KCNN2: variants seen among roughly 807,000 people sequenced by gnomAD.
KCNN2 encodes the protein small conductance calcium-activated potassium channel protein 2.
A neutral mutation model predicts 55.5 loss-of-function variants in KCNN2; 24 were observed. The ratio of observed to expected loss-of-function variants is 0.43; its 90% CI spans 0.31 to 0.61. KCNN2 has a LOEUF of 0.61. Among genes scored for constraint, KCNN2 ranks in the 20% least tolerant of loss-of-function variants. KCNN2 has a pLI of 0.08. For synonymous variants in KCNN2, 431 were observed against 336.1 expected (o/e 1.28, Z -3.09); for missense variants, 754 against 853.6 (o/e 0.88, Z 1.45).
chr5:114,462,894 G>T (rs1761272297), intron 3 of KCNN2, among the ~76,000 whole-genome samples, 155 bp from the exon 4 acceptor site: 1 of 152,162 alleles, frequency 6.6e-6, no homozygotes, highest in Admixed American at 6.5e-5. Context: ...TGCTTAGATG[G>T]AACCTCAATT....
chr5:114,432,774 G>A lies in KCNN2; in HGVS notation c.1637+27918G>A, dbSNP rs563852557. Among the ~76,000 whole-genome samples the A allele has an allele frequency of 9.2e-5, 14 of 152,304 alleles. No individual in the cohort carries two copies. In the South Asian group the frequency reaches 1.9e-3, roughly 20 times the overall value. On this transcript the variant is annotated intron_variant, in intron 3 of 7. Coordinates refer to ENST00000673685, the MANE Select transcript of KCNN2 (RefSeq NM_021614.4). Reference sequence around the variant, plus strand: ...GTGGGCTTGGCAGGCCGCGCACGCCGAGCAGCCGGCCAGCCCTGCCGGCCC... The same window carrying A: ...GTGGGCTTGGCAGGCCGCGCACGCCAAGCAGCCGGCCAGCCCTGCCGGCCC...
intron 2 of KCNN2, among the ~76,000 whole-genome samples, chr5:114,249,506 C>A (rs906869645): frequency 6.6e-6 from 1 of 151,790 alleles, no homozygotes; most frequent in African/African-American, 2.4e-5. Flanking sequence ...AGGCTGATCT[C>A]GAATTCCTGA....
intron 3 of KCNN2, among the ~76,000 whole-genome samples, chr5:114,449,029 A>G: frequency 6.6e-6 from 1 of 152,142 alleles, no homozygotes; most frequent in East Asian, 1.9e-4. Context: ...TTGAAGTGCT[A>G]GTGTTGGTAG....
intron 1 of KCNN2, among the ~76,000 whole-genome samples, chr5:114,178,902 A>T (rs769940631): frequency 1.1e-4 from 17 of 152,308 alleles, no homozygotes; most frequent in Admixed American, 6.5e-4. Context: ...CTTTCCTGTG[A>T]CCTTCAGTCT....
chr5:114,254,946 ATTAAT>A (rs1309950260), intron 2 of KCNN2, among the ~76,000 whole-genome samples: 1 of 152,176 alleles, frequency 6.6e-6, no homozygotes, highest in African/African-American at 2.4e-5. Flanking sequence ...AAGTAATCTG[ATTAAT>A]TTATAAAGTT....
chr5:114,211,264 T>G (rs1343605815), intron 1 of KCNN2, among the ~76,000 whole-genome samples: 1 of 152,164 alleles, frequency 6.6e-6, no homozygotes, highest in Non-Finnish European at 1.5e-5. Flanking sequence ...TGCACAAGTA[T>G]GTTCACTGCA....
intron 2 of KCNN2, among the ~76,000 whole-genome samples, chr5:114,331,483 CATT>C (rs1034745452): frequency 1.3e-5 from 2 of 152,062 alleles, no homozygotes; most frequent in Non-Finnish European, 2.9e-5. Flanking sequence ...AAAGAAGCCT[CATT>C]AATTTGGATT....
chr5:114,193,548 A>G (rs1753492158), intron 1 of KCNN2, among the ~76,000 whole-genome samples: 1 of 152,202 alleles, frequency 6.6e-6, no homozygotes, highest in Non-Finnish European at 1.5e-5. Flanking sequence ...CTCTGGATGA[A>G]TAAAGGAGTT....
At chr5:114,269,109 G>A (rs4582264) in intron 2 of KCNN2, among the ~76,000 whole-genome samples, 107,344 of 151,852 alleles carry the variant, frequency 0.71, 38,098 homozygotes, top group Admixed American at 0.76. Flanking sequence ...GTCCTTCTTA[G>A]GAGTGTTCTC....
intron 1 of KCNN2, among the ~76,000 whole-genome samples, chr5:114,143,383 A>T (rs976574510): frequency 2.0e-5 from 3 of 152,180 alleles, no homozygotes; most frequent in Admixed American, 2.0e-4. Context: ...TTGCAGCAAA[A>T]GCTGGTTACA....
chr5:114,432,771 G>A (rs974659417), intron 3 of KCNN2, among the ~76,000 whole-genome samples: 9 of 152,196 alleles, frequency 5.9e-5, no homozygotes, highest in Admixed American at 5.9e-4. Flanking sequence ...GGCCGCGCAC[G>A]CCGAGCAGCC....
chr5:114,424,639 A>G (rs1370067253), intron 3 of KCNN2, among the ~76,000 whole-genome samples: 4 of 152,202 alleles, frequency 2.6e-5, no homozygotes, highest in Admixed American at 2.0e-4. Context: ...GGCACTGGAA[A>G]CAGGAAAGCC....
At chr5:114,119,257 C>G (rs998586227) in intron 1 of KCNN2, among the ~76,000 whole-genome samples, 3 of 152,146 alleles carry the variant, frequency 2.0e-5, no homozygotes, top group African/African-American at 7.2e-5. Context: ...CTACCTCATG[C>G]TCCATTATTA....
chr5:114,069,305 T>A (rs1446996813), intron 1 of KCNN2, among the ~76,000 whole-genome samples: 4 of 152,292 alleles, frequency 2.6e-5, no homozygotes, highest in African/African-American at 9.6e-5. Flanking sequence ...ACTGGGATTA[T>A]GTTCACTACC....
intron 2 of KCNN2, among the ~76,000 whole-genome samples, chr5:114,295,915 A>G (rs985883977): frequency 1.3e-5 from 2 of 152,208 alleles, no homozygotes; most frequent in African/African-American, 4.8e-5. Context: ...AGTAATATGG[A>G]TAAATAATAT....
intron 2 of KCNN2, among the ~76,000 whole-genome samples, chr5:114,314,567 A>T (rs750940864): frequency 2.0e-4 from 30 of 152,022 alleles, no homozygotes; most frequent in Non-Finnish European, 3.4e-4. Flanking sequence ...CACTTTAAAA[A>T]TTTTTTACTT....
intron 2 of KCNN2, among the ~76,000 whole-genome samples, chr5:114,400,298 A>T (rs1758747322): frequency 6.6e-6 from 1 of 152,170 alleles, no homozygotes; most frequent in Non-Finnish European, 1.5e-5. Flanking sequence ...GAGCCAGACA[A>T]TTTGGTATGC....
chr5:114,404,182 G>GT (rs1161939764), intron 2 of KCNN2, among the ~76,000 whole-genome samples: 1 of 152,124 alleles, frequency 6.6e-6, no homozygotes, highest in East Asian at 1.9e-4. Context: ...AAATGATGAT[G>GT]TTTACGTGAT....
intron 1 of KCNN2, among the ~76,000 whole-genome samples, chr5:114,173,624 C>T: frequency 6.6e-6 from 1 of 151,898 alleles, no homozygotes; most frequent in Non-Finnish European, 1.5e-5. Context: ...AATTCATGAA[C>T]ATAGAATATC....
Sources: gnomAD v4.1 joint callset for allele counts (sites outside exome capture counted in the v4.1 genomes callset) on GRCh38, gnomAD v4.1.1 for gene constraint, MANE v1.5 for transcripts, NCBI Gene and HGNC (gene_info 2026-07-23, HGNC 2026-07-21) for gene names.